MAST2: variants seen among roughly 807,000 people sequenced by gnomAD.
MAST2 encodes microtubule-associated serine/threonine-protein kinase 2.
MAST2 carries 70 observed loss-of-function variants against 147.4 expected under a neutral mutation model. The observed-to-expected ratio is 0.47, with a 90% CI of 0.39 to 0.58. The LOEUF (loss-of-function observed/expected upper bound fraction) is 0.58. Ranked by LOEUF, MAST2 falls within the 20% of genes least tolerant of loss-of-function variation. MAST2 has a pLI of 0.00. For synonymous variants in MAST2, 869 were observed against 896.8 expected (o/e 0.97, Z 0.55); for missense variants, 2,080 against 2,302.3 (o/e 0.90, Z 1.98).
chr1:45,869,768 A>C (rs1646303983), intron 3 of MAST2, among the ~76,000 whole-genome samples: 1 of 152,232 alleles, frequency 6.6e-6, no homozygotes, highest in African/African-American at 2.4e-5. Flanking sequence ...TTCAGATTTG[A>C]TAAAGTACAG....
intron 4 of MAST2, among the ~76,000 whole-genome samples, chr1:45,888,924 G>A (rs974952333): frequency 4.0e-5 from 6 of 149,002 alleles, no homozygotes; most frequent in East Asian, 2.0e-4. Context: ...TCATCCATCC[G>A]CCTCGGCCTC....
intron 5 of MAST2, 128 bp from the exon 6 acceptor site, chr1:45,997,596 A>G (rs1645106856): frequency 1.4e-6 from 1 of 716,622 alleles, no homozygotes; most frequent in African/African-American, 1.8e-5. Context: ...GACTCATTAA[A>G]CTGATAGTGG....
intron 22 of MAST2, 74 bp from the exon 23 acceptor site, chr1:46,030,933 G>A: frequency 2.6e-6 from 4 of 1,542,500 alleles, no homozygotes. Flanking sequence ...TATAACCCTT[G>A]TGTGCCCCTA....
intron 1 of MAST2, among the ~76,000 whole-genome samples, chr1:45,822,036 G>A (rs1487840517): frequency 2.6e-5 from 4 of 151,314 alleles, no homozygotes; most frequent in African/African-American, 4.9e-5. Flanking sequence ...TTACAGGCAC[G>A]TGCCATCACG....
At chr1:45,987,775 TG>T (rs1557430747) in intron 5 of MAST2, among the ~76,000 whole-genome samples, 131 of 85,630 alleles carry the variant, frequency 1.5e-3, no homozygotes, top group Non-Finnish European at 1.9e-3. Flanking sequence ...TTTTTTTTTT[TG>T]ATTTTTTTTT....
At chr1:45,822,948 C>T (rs554713055) in intron 1 of MAST2, among the ~76,000 whole-genome samples, 2 of 152,306 alleles carry the variant, frequency 1.3e-5, no homozygotes, top group East Asian at 1.9e-4. Context: ...AGTCCTGCTA[C>T]AGTTAGGTGC....
intron 5 of MAST2, among the ~76,000 whole-genome samples, chr1:45,976,403 C>G (rs1164263101): frequency 1.3e-5 from 2 of 152,096 alleles, no homozygotes; most frequent in African/African-American, 4.8e-5. Flanking sequence ...TGGAGACCAG[C>G]CTGGTCGACA....
chr1:45,967,116 C>G (rs1044026754), intron 5 of MAST2, among the ~76,000 whole-genome samples: 4 of 151,950 alleles, frequency 2.6e-5, no homozygotes, highest in African/African-American at 9.7e-5. Flanking sequence ...CTCTGTCACC[C>G]AGGCTGGAGT....
chr1:46,008,250 T>C (rs977634436), intron 8 of MAST2, 46 bp from the exon 9 acceptor site: 2 of 1,394,184 alleles, frequency 1.4e-6, no homozygotes, highest in South Asian at 1.2e-5. Flanking sequence ...TTCTTCTTGA[T>C]AGTTCCATAG....
intron 15 of MAST2, chr1:46,024,215 A>G (rs542416413): frequency 1.9e-6 from 1 of 516,146 alleles, no homozygotes; most frequent in African/African-American, 1.9e-5. Context: ...GCCAGCAGCT[A>G]TAGAATCTTG....
intron 2 of MAST2, among the ~76,000 whole-genome samples, chr1:45,827,998 A>G (rs970501892): frequency 1.4e-5 from 2 of 146,124 alleles, no homozygotes; most frequent in Non-Finnish European, 3.0e-5. Context: ...TGCCTGGCTA[A>G]TTTTTTTTTT....
intron 4 of MAST2, among the ~76,000 whole-genome samples, chr1:45,894,732 G>C (rs1228083669): frequency 6.6e-6 from 1 of 152,142 alleles, no homozygotes; most frequent in Non-Finnish European, 1.5e-5. Context: ...CCCTTCATTA[G>C]TCTTCATACT....
Position 45,888,663 on chromosome 1 carries a change from C to CTTT in MAST2, c.500+6302_500+6304dup, listed in dbSNP as rs71587722. On this transcript the variant is annotated intron_variant, in intron 4 of 28. Coordinates refer to ENST00000361297, the MANE Select transcript of MAST2 (RefSeq NM_015112.3). ...AGGCGTGAGCCACCGCGCGCGGCCT[C>CTTT]TTTTTTTTTTTTTTTTTTTTTTTTT... Among the ~76,000 whole-genome samples, 19 of 48,724 alleles carry CTTT rather than the reference C, an allele frequency of 3.9e-4. 3 individuals are homozygous for CTTT. Among genetic ancestry groups the CTTT allele is most frequent in the East Asian group, 1.8e-3 (3 of 1,708 alleles). 32.0% of individuals were successfully genotyped at this position (48,724 alleles called of 152,430 possible).
chr1:45,886,457 G>T (rs1187155062), intron 4 of MAST2, among the ~76,000 whole-genome samples: 1 of 151,860 alleles, frequency 6.6e-6, no homozygotes, highest in Non-Finnish European at 1.5e-5. Flanking sequence ...GGGCAAGGTG[G>T]TTATGAAAGT....
At chr1:45,804,488 G>A (rs1292196159) in intron 1 of MAST2, among the ~76,000 whole-genome samples, 1 of 152,088 alleles carries the variant, frequency 6.6e-6, no homozygotes, top group Non-Finnish European at 1.5e-5. Flanking sequence ...TGTAAAAACG[G>A]ATGACACTCC....
At chr1:45,917,704 A>G (rs1369491058) in intron 4 of MAST2, among the ~76,000 whole-genome samples, 3 of 152,182 alleles carry the variant, frequency 2.0e-5, no homozygotes, top group African/African-American at 7.2e-5. Flanking sequence ...ATGTCAGGAG[A>G]AAGGAGGGTA....
intron 3 of MAST2, among the ~76,000 whole-genome samples, chr1:45,831,494 T>G (rs1644954753): frequency 6.6e-6 from 1 of 152,184 alleles, no homozygotes; most frequent in South Asian, 2.1e-4. Flanking sequence ...CAGGATCATT[T>G]GTGAAAATTC....
At chr1:45,973,749 C>A (rs1007732413) in intron 5 of MAST2, among the ~76,000 whole-genome samples, 2 of 152,076 alleles carry the variant, frequency 1.3e-5, no homozygotes, top group Non-Finnish European at 2.9e-5. Flanking sequence ...CTGGAAACCA[C>A]ATAAAAAGAG....
At chr1:45,872,897 T>C (rs1646454186) in intron 3 of MAST2, among the ~76,000 whole-genome samples, 1 of 152,246 alleles carries the variant, frequency 6.6e-6, no homozygotes, top group Non-Finnish European at 1.5e-5. Context: ...TCTTTGTAAC[T>C]TCAGAATATA....
Sources: gnomAD v4.1 joint callset for allele counts (sites outside exome capture counted in the v4.1 genomes callset) on GRCh38, gnomAD v4.1.1 for gene constraint, MANE v1.5 for transcripts, NCBI Gene and HGNC (gene_info 2026-07-23, HGNC 2026-07-21) for gene names.